The following PPM1A variants were observed in gnomAD, a reference collection of about 807,000 sequenced individuals.
PPM1A encodes protein phosphatase 1A.
PPM1A carries 7 observed loss-of-function variants against 35.0 expected under a neutral mutation model. The ratio of observed to expected loss-of-function variants is 0.20; its 90% confidence interval spans 0.11 to 0.38. The LOEUF is 0.38. Ranked by LOEUF, PPM1A falls within the 10% of genes least tolerant of loss-of-function variation. The probability of loss-of-function intolerance (pLI) is 1.00; values close to 1 mark genes in which losing one functional copy is unlikely to be tolerated. For synonymous variants in PPM1A, 153 were observed against 167.3 expected, an observed-to-expected ratio of 0.91 and a Z score of 0.66; for missense variants, 239 against 467.8, an observed-to-expected ratio of 0.51 and a Z score of 4.51.
At chr14:60,263,818 A>G (rs757581375) in intron 1 of PPM1A, among the ~76,000 whole-genome samples, 4 of 152,172 alleles carry the variant, frequency 2.6e-5, no homozygotes. Context: ...GCTAATTCCA[A>G]TATCGGAAGT....
At chr14:60,272,785 G>A (rs1312367774) in intron 1 of PPM1A, among the ~76,000 whole-genome samples, 1 of 150,446 alleles carries the variant, frequency 6.6e-6, no homozygotes, top group Non-Finnish European at 1.5e-5. Flanking sequence ...TTGGTGATAC[G>A]TTATTCTAGT....
intron 1 of PPM1A, among the ~76,000 whole-genome samples, chr14:60,278,046 T>A (rs946668385): frequency 2.6e-5 from 4 of 152,186 alleles, no homozygotes; most frequent in African/African-American, 9.7e-5. Context: ...ACCTATCTTT[T>A]AGGATTGGTG....
chr14:60,272,252 A>G (rs1449600942), intron 1 of PPM1A, among the ~76,000 whole-genome samples: 2 of 152,208 alleles, frequency 1.3e-5, no homozygotes, highest in Non-Finnish European at 2.9e-5. Context: ...GAAAAATCAT[A>G]TAGAGATGAA....
chr14:60,284,225 G>C (rs117475158), intron 2 of PPM1A, among the ~76,000 whole-genome samples: 4,258 of 152,294 alleles, frequency 0.028, 104 homozygotes, highest in South Asian at 0.064. Context: ...AGCCAGAGAA[G>C]GTTCTACAAA....
Position 60,270,434 on chromosome 14 carries a change from C to A in PPM1A, c.-20-12250C>A, listed in dbSNP as rs574417924. Among the ~76,000 whole-genome samples, 103 of 151,940 alleles carry A rather than the reference C, an allele frequency of 6.8e-4. 1 individual carries two copies. Among genetic ancestry groups the A allele is most frequent in the African/African-American group, 2.4e-3 (101 of 41,490 alleles). On this transcript the variant is annotated intron_variant, in intron 1 of 5. Coordinates refer to ENST00000395076, the MANE Select transcript of PPM1A (RefSeq NM_021003.5). The stretch of plus-strand genomic sequence containing the variant: ...TACTTTTTTAGTTACTTTTTTATTT[C>A]AGAATTTTTGTATGGGTTCTATAAA...
At chr14:60,280,898 T>G (rs561204376) in intron 1 of PPM1A, among the ~76,000 whole-genome samples, 10 of 152,312 alleles carry the variant, frequency 6.6e-5, no homozygotes, top group Admixed American at 5.2e-4. Context: ...GAGACCCATT[T>G]TCTTAGGGGT....
chr14:60,250,883 T>G (rs533769420), intron 1 of PPM1A, among the ~76,000 whole-genome samples: 1 of 152,342 alleles, frequency 6.6e-6, no homozygotes, highest in East Asian at 1.9e-4. Flanking sequence ...CCAACTCTCT[T>G]TGAAACACTT....
chr14:60,252,270 T>G (rs372642029), intron 1 of PPM1A, among the ~76,000 whole-genome samples: 1 of 152,240 alleles, frequency 6.6e-6, no homozygotes, highest in Non-Finnish European at 1.5e-5. Flanking sequence ...GAGAGCTGGA[T>G]TAATTTTTTA....
chr14:60,272,690 C>CAAAAAAAA (rs34892158), intron 1 of PPM1A, among the ~76,000 whole-genome samples: 1 of 68,594 alleles, frequency 1.5e-5, no homozygotes, highest in Non-Finnish European at 2.8e-5. Flanking sequence ...GACTCTGTCT[C>CAAAAAAAA]AAAAAAAAAA....
At chr14:60,256,718 T>C (rs533927863) in intron 1 of PPM1A, 1 of 152,358 alleles carries the variant, frequency 6.6e-6, no homozygotes, top group South Asian at 2.1e-4. Context: ...TAGATACTGT[T>C]ACTACCTATA....
intron 2 of PPM1A, among the ~76,000 whole-genome samples, chr14:60,284,488 A>G (rs1170284027): frequency 2.0e-5 from 3 of 151,850 alleles, no homozygotes; most frequent in Non-Finnish European, 4.4e-5. Context: ...AAAAAACACA[A>G]AAAATTAGCC....
chr14:60,268,361 T>C, intron 1 of PPM1A: 1 of 974,430 alleles, frequency 1.0e-6, no homozygotes, highest in Non-Finnish European at 1.2e-6. Flanking sequence ...GTTACTTTCC[T>C]CCATATTTTC....
At position 60,298,838 on chromosome 14, in the gene PPM1A, C is replaced by T. The variant is rs1489269910; in HGVS notation, c.*6356C>T. On this transcript the variant is annotated 3_prime_UTR_variant, in exon 6 of 6. Transcript: ENST00000395076. ...AAAATTCTCCGTAGCAACTCACCCA[C>T]TTTGCAGTTTATGTGATCCACACTT... 1.3e-5 allele frequency: 2 copies of T among 151,806 alleles called. No individual in the cohort carries two copies. The highest frequency in any genetic ancestry group is 3.0e-5 in the Non-Finnish European group (2 of 67,746). The allele number at this position is 151,806 out of a possible 1,614,324, so 9.4% of individuals were successfully genotyped here. A position where few individuals can be genotyped will look rare whatever the true frequency, so the allele number is the denominator to read the frequency against.
intron 1 of PPM1A, among the ~76,000 whole-genome samples, chr14:60,279,850 A>T (rs1886185497): frequency 6.6e-6 from 1 of 152,204 alleles, no homozygotes; most frequent in Non-Finnish European, 1.5e-5. Context: ...ATTGTGATTG[A>T]CTGCCTCCTC....
upstream of PPM1A, among the ~76,000 whole-genome samples, chr14:60,246,760 G>A (rs530836437): frequency 6.6e-6 from 1 of 152,264 alleles, no homozygotes; most frequent in East Asian, 1.9e-4. Context: ...TAACCCATGA[G>A]TTTCCTAGTT....
At chr14:60,288,076 T>G (rs1887224671) in intron 3 of PPM1A, 1 of 982,288 alleles carries the variant, frequency 1.0e-6, no homozygotes, top group Non-Finnish European at 1.2e-6. Context: ...TATTTTTCTT[T>G]TTTGAAAGCA....
At position 60,249,229 on chromosome 14, in the gene PPM1A, CGGCGGCGGCGGT is replaced by C. The variant is rs1171797597; in HGVS notation, c.-461_-450del. 1.0e-6 allele frequency: 1 copy of C among 987,578 alleles called. No individual in the cohort carries two copies. The highest frequency in any genetic ancestry group is 1.8e-5 in the African/African-American group (1 of 56,974). 61.2% of individuals were successfully genotyped at this position (987,578 alleles called of 1,614,324 possible). A position where few individuals can be genotyped will look rare whatever the true frequency, so the allele number is the denominator to read the frequency against. On this transcript the variant is annotated 5_prime_UTR_variant, in exon 1 of 6. Transcript: ENST00000395076. The surrounding 1 kb of genome is among the most constrained non-coding windows in gnomAD (Gnocchi z 4.5). Reference sequence around the variant, plus strand: ...CTGCGCGGGGCCGCGCTAGAGGCGGCGGCGGCGGCGGTGGCGGCGCTAGGGACGGGAGCGCGC... The same window carrying C: ...CTGCGCGGGGCCGCGCTAGAGGCGGCGGCGGCGCTAGGGACGGGAGCGCGC...
chr14:60,280,472 G>A (rs774760965), intron 1 of PPM1A, among the ~76,000 whole-genome samples: 1 of 152,234 alleles, frequency 6.6e-6, no homozygotes, highest in Non-Finnish European at 1.5e-5. Flanking sequence ...GAGGAAGGAA[G>A]TTTGTCATTA....
chr14:60,264,315 T>G (rs150469508), intron 1 of PPM1A, among the ~76,000 whole-genome samples: 1 of 152,178 alleles, frequency 6.6e-6, no homozygotes, highest in East Asian at 1.9e-4. Context: ...TTGTTATGCT[T>G]CTGTATGTAA....
Sources: gnomAD v4.1 joint callset for allele counts (sites outside exome capture counted in the v4.1 genomes callset) on GRCh38, gnomAD v4.1.1 for gene constraint, Gnocchi (gnomAD v3.1) non-coding constraint, MANE v1.5 for transcripts, NCBI Gene and HGNC (gene_info 2026-07-23, HGNC 2026-07-21) for gene names.